Variants in PDE6B observed in about 807,000 individuals in gnomAD.
PDE6B encodes phosphodiesterase 6B.
In PDE6B, 106 loss-of-function variants were observed where a neutral mutation model predicts 109.0. The ratio of observed to expected loss-of-function variants is 0.97; its 90% CI spans 0.83 to 1.14. PDE6B has a LOEUF of 1.14. Among genes scored for constraint, PDE6B ranks in the 50% most tolerant of loss-of-function variants. The pLI, the probability that PDE6B is intolerant of heterozygous loss-of-function variation, is 0.00. For synonymous variants in PDE6B, 490 were observed against 471.3 expected, an observed-to-expected ratio of 1.04 and a Z score of -0.51; for missense variants, 1,193 against 1,155.6, an observed-to-expected ratio of 1.03 and a Z score of -0.47.
At position 662,274 on chromosome 4, in the gene PDE6B, AGGC is replaced by A; in HGVS notation, c.1722+34_1722+36del. ...GCTGCCAGAATCACCAGGGTTGTGCAGGCCCTCCTGGTACCAAGGGCAGCACTC... is the reference window on the plus strand; with the variant it reads ...GCTGCCAGAATCACCAGGGTTGTGCACCTCCTGGTACCAAGGGCAGCACTC... On this transcript the variant is annotated intron_variant, in intron 13 of 21. Transcript: ENST00000496514. This position sits in a 1 kb window ranked among gnomAD's most constrained non-coding sequence, Gnocchi z 4.3. The A allele has an allele frequency of 1.6e-6, 2 of 1,249,432 alleles. No individual in the cohort carries two copies. Among genetic ancestry groups the A allele is most frequent in the Non-Finnish European group, 2.3e-6 (2 of 871,400 alleles). The allele number at this position is 1,249,432 out of a possible 1,614,324, so 77.4% of individuals were successfully genotyped here. A position where few individuals can be genotyped will look rare whatever the true frequency, so the allele number is the denominator to read the frequency against.
intron 5 of PDE6B, 22 bp from the exon 6 acceptor site, chr4:654,802 A>C (rs1234224712): frequency 7.4e-7 from 1 of 1,343,220 alleles, no homozygotes. Context: ...CAGCCCCCCG[A>C]CCAGTGTCTT....
Position 660,447 on chromosome 4 carries a change from G to C in PDE6B, c.1468-20G>C, listed in dbSNP as rs779715910. 6.2e-6 allele frequency: 10 copies of C among 1,613,190 alleles called. No homozygotes were observed. In the East Asian group the frequency reaches 2.2e-4, roughly 36 times the overall value. On this transcript the variant is annotated intron_variant, in intron 11 of 21. Coordinates refer to ENST00000496514, the MANE Select transcript of PDE6B (RefSeq NM_000283.4). ...GGCTGTGGCAGGCCAACCTCCCTCAGCCCACAATCCCTCCCACAGAAGGAG... is the reference window on the plus strand; with the variant it reads ...GGCTGTGGCAGGCCAACCTCCCTCACCCCACAATCCCTCCCACAGAAGGAG...
Position 654,173 on chromosome 4 carries a change from G to A in PDE6B, c.927+19G>A. On this transcript the variant is annotated intron_variant, in intron 5 of 21. Transcript: ENST00000496514. ...TGGCCGGGTGAGTCTTAGGGGAGGG[G>A]CCCAGGGCCTGTCCACACGCCTCTG... 2.5e-6 allele frequency: 4 copies of A among 1,605,162 alleles called. No individual in the cohort carries two copies. Among genetic ancestry groups the A allele is most frequent in the Non-Finnish European group, 3.4e-6 (4 of 1,172,796 alleles).
At position 670,441 on chromosome 4, in the gene PDE6B, C is replaced by T. The variant is rs955516844; in HGVS notation, c.*334C>T. On this transcript the variant is annotated 3_prime_UTR_variant, in exon 22 of 22. Coordinates refer to ENST00000496514, the MANE Select transcript of PDE6B (RefSeq NM_000283.4). ...TATTTTCAGTACAGATGGGGTTTCA[C>T]CATATTGGGCAGGCTGGTCTCGAAC... 1 of 311,534 alleles carries T rather than the reference C, an allele frequency of 3.2e-6. No individual in the cohort carries two copies. The highest frequency in any genetic ancestry group is 6.2e-6 in the Non-Finnish European group (1 of 161,360). The allele number at this position is 311,534 out of a possible 1,614,324, so 19.3% of individuals were successfully genotyped here. A position where few individuals can be genotyped will look rare whatever the true frequency, so the allele number is the denominator to read the frequency against.
chr4:637,638 G>C (rs769718556), intron 3 of PDE6B, among the ~76,000 whole-genome samples: 1 of 152,206 alleles, frequency 6.6e-6, no homozygotes, highest in Non-Finnish European at 1.5e-5. Context: ...AACAGGAGCC[G>C]CGGCCTGGGG....
rs752547477 is a variant in PDE6B at position 635,848 on chromosome 4, T to C, written c.622-32T>C. The C allele has an allele frequency of 3.4e-6, 4 of 1,180,984 alleles. No homozygotes were observed. The Admixed American group carries it at 5.0e-5, about 15-fold the overall frequency. 73.2% of individuals were successfully genotyped at this position (1,180,984 alleles called of 1,614,324 possible). The stretch of plus-strand genomic sequence containing the variant: ...GGGGCACATGTCTGAAAACTGGAAT[T>C]TTAATTCCTCTTGTTGCAATTCCTG... On this transcript the variant is annotated intron_variant, in intron 2 of 21. Coordinates refer to ENST00000496514, the MANE Select transcript of PDE6B (RefSeq NM_000283.4).
rs773508753 is a variant in PDE6B, at chr4:660,452, C to T, written c.1468-15C>T. The T allele has an allele frequency of 3.7e-6, 6 of 1,613,394 alleles. No homozygotes were observed. The African/African-American group carries it at 6.7e-5, about 18-fold the overall frequency. Reference sequence around the variant, plus strand: ...TGGCAGGCCAACCTCCCTCAGCCCACAATCCCTCCCACAGAAGGAGGAGCT... The same window carrying T: ...TGGCAGGCCAACCTCCCTCAGCCCATAATCCCTCCCACAGAAGGAGGAGCT... On this transcript the variant is annotated splice_polypyrimidine_tract_variant and intron_variant, in intron 11 of 21. Transcript: ENST00000496514.
intron 20 of PDE6B, among the ~76,000 whole-genome samples, chr4:667,438 T>C (rs1291539856): frequency 6.6e-6 from 1 of 152,136 alleles, no homozygotes; most frequent in Non-Finnish European, 1.5e-5. Flanking sequence ...CCACACTCCA[T>C]GTGTGATGTG....
At chr4:656,117 C>T (rs1336197511) in intron 7 of PDE6B, 111 bp downstream of exon 7, 3 of 1,003,594 alleles carry the variant, frequency 3.0e-6, no homozygotes, top group Admixed American at 1.7e-5. Flanking sequence ...CTCCACGTGC[C>T]TCAGTGAAGC....
chr4:663,743 C>T lies in PDE6B; in HGVS notation c.1921-27C>T, dbSNP rs1349188554. The T allele has an allele frequency of 1.3e-6, 2 of 1,582,340 alleles. No individual in the cohort carries two copies. The highest frequency in any genetic ancestry group is 2.2e-5 in the South Asian group (2 of 90,402). ...ACCCTGAGAGGTGGCCGCAGGGCGC[C>T]TGACGCGCTGGGCATAACCTCCGCA... On this transcript the variant is annotated intron_variant, in intron 15 of 21. Coordinates refer to ENST00000496514, the MANE Select transcript of PDE6B (RefSeq NM_000283.4). The surrounding 1 kb of genome is among the most constrained non-coding windows in gnomAD (Gnocchi z 4.0).
chr4:631,642 G>T (rs940695260), intron 1 of PDE6B, among the ~76,000 whole-genome samples: 3 of 150,646 alleles, frequency 2.0e-5, no homozygotes, highest in Non-Finnish European at 4.4e-5. Flanking sequence ...ACCATCTAAG[G>T]GTCATGAGGA....
At chr4:631,841 G>T (rs1480372796) in intron 1 of PDE6B, among the ~76,000 whole-genome samples, 1 of 151,614 alleles carries the variant, frequency 6.6e-6, no homozygotes, top group Non-Finnish European at 1.5e-5. Context: ...GGTCCATGTG[G>T]CACCATCTGA....
rs1171522015 is a variant in PDE6B at position 626,410 on chromosome 4, G to A, written c.468+316G>A. 6.6e-6 allele frequency among the ~76,000 whole-genome samples: 1 copy of A among 152,220 alleles called. No homozygotes were observed. Among genetic ancestry groups the A allele is most frequent in the Non-Finnish European group, 1.5e-5 (1 of 68,036 alleles). ...CCCTGATTCTGCATCCACATCCCAT[G>A]GTGGGGACCATGTAGTCCCTGTGAG... On this transcript the variant is annotated intron_variant, in intron 1 of 21. Coordinates refer to ENST00000496514, the MANE Select transcript of PDE6B (RefSeq NM_000283.4). This position sits in a 1 kb window ranked among gnomAD's most constrained non-coding sequence, Gnocchi z 4.6.
chr4:627,921 C>A (rs1013316679), intron 1 of PDE6B, among the ~76,000 whole-genome samples: 1 of 152,004 alleles, frequency 6.6e-6, no homozygotes, highest in Non-Finnish European at 1.5e-5. Flanking sequence ...CTGGGCTGTC[C>A]TAGGTCCGTC....
rs1374769907 is a variant in PDE6B, at chr4:658,699, G to A, written c.1402-253G>A. On this transcript the variant is annotated intron_variant, in intron 10 of 21. Coordinates refer to ENST00000496514, the MANE Select transcript of PDE6B (RefSeq NM_000283.4). ...GCCTTGCATGGCCAGAGCCCTCCTG[G>A]TCATCATGAGAGAGTCCCATCATTA... Among the ~76,000 whole-genome samples the A allele has an allele frequency of 2.0e-5, 3 of 152,088 alleles. 1 individual carries two copies. The highest frequency in any genetic ancestry group is 3.9e-4 in the East Asian group (2 of 5,180).
At chr4:653,542 G>C (rs1735790419) in intron 3 of PDE6B, 3 of 504,086 alleles carry the variant, frequency 6.0e-6, no homozygotes, top group Non-Finnish European at 1.1e-5. Flanking sequence ...GCGGAGGAAG[G>C]GCTGGTCGGA....
chr4:645,824 A>T (rs1388082570), intron 3 of PDE6B, among the ~76,000 whole-genome samples: 2 of 151,976 alleles, frequency 1.3e-5, no homozygotes, highest in African/African-American at 4.8e-5. Context: ...TGCAATAATC[A>T]TTTATGACTA....
rs761630795 is a variant in PDE6B, at chr4:663,800, C to G, written c.1951C>G (p.Arg651Gly). Residue 651 changes from arginine to glycine, a missense_variant, in exon 16 of 22, where the codon CGG becomes GGG. Transcript: ENST00000496514. The surrounding 1 kb of genome is among the most constrained non-coding windows in gnomAD (Gnocchi z 4.0). ...GAACATCTACCAGAACCTGAACCGG[C>G]GGCAGCACGAGCACGTGATCCACCT... Reference protein sequence around the residue: ...TLNIYQNLNRRQHEHVIHLMD... With the variant: ...TLNIYQNLNRGQHEHVIHLMD... The G allele has an allele frequency of 7.4e-6, 12 of 1,612,046 alleles. No homozygotes were observed. Among genetic ancestry groups the G allele is most frequent in the African/African-American group, 2.7e-5 (2 of 74,916 alleles).
chr4:641,791 T>C (rs1033625286), intron 3 of PDE6B, among the ~76,000 whole-genome samples: 1 of 152,170 alleles, frequency 6.6e-6, no homozygotes, highest in Admixed American at 6.5e-5. Flanking sequence ...AGACTACTGA[T>C]GTGCATCACC....
Sources: allele counts gnomAD v4.1 joint callset (sites outside exome capture counted in the v4.1 genomes callset), GRCh38; gene constraint gnomAD v4.1.1; non-coding constraint Gnocchi (gnomAD v3.1); transcripts MANE v1.5; gene names NCBI Gene and HGNC (gene_info 2026-07-23, HGNC 2026-07-21).